The following VSNL1 variants were observed in gnomAD, a reference collection of about 807,000 sequenced individuals.
VSNL1 encodes the protein visinin like 1, also known as visinin-like protein 1.
A neutral mutation model predicts 20.4 loss-of-function variants in VSNL1; 6 were observed. The observed-to-expected ratio is 0.29, with a 90% CI of 0.16 to 0.58. The LOEUF (loss-of-function observed/expected upper bound fraction) is 0.58. Among genes scored for constraint, VSNL1 ranks in the 20% least tolerant of loss-of-function variants. The probability of loss-of-function intolerance (pLI) is 0.90; values close to 1 mark genes in which losing one functional copy is unlikely to be tolerated. For missense variants in VSNL1, 100 were observed against 234.5 expected (o/e 0.43, Z 3.75); for synonymous variants, 93 against 86.4 (o/e 1.08, Z -0.42).
chr2:17,565,554 T>A (rs976927277), intron 1 of VSNL1, among the ~76,000 whole-genome samples: 4 of 152,216 alleles, frequency 2.6e-5, no homozygotes, highest in Non-Finnish European at 5.9e-5. Flanking sequence ...CTCTCAAAAG[T>A]ACTTTTAGAT....
At chr2:17,639,877 T>C (rs1199728798) in intron 2 of VSNL1, among the ~76,000 whole-genome samples, 10 of 152,210 alleles carry the variant, frequency 6.6e-5, no homozygotes, top group Non-Finnish European at 1.3e-4. Flanking sequence ...TCTGACTCTG[T>C]TCCAATGTCC....
intron 1 of VSNL1, among the ~76,000 whole-genome samples, chr2:17,555,166 C>T (rs1210513101): frequency 6.6e-6 from 1 of 151,986 alleles, no homozygotes; most frequent in Non-Finnish European, 1.5e-5. Context: ...AGGCTTGGGC[C>T]CTAGAAAGTA....
chr2:17,588,303 A>T (rs573358787), intron 1 of VSNL1, among the ~76,000 whole-genome samples: 1 of 152,208 alleles, frequency 6.6e-6, no homozygotes, highest in South Asian at 2.1e-4. Flanking sequence ...CCTATGTGGG[A>T]AATCAGTGAA....
intron 2 of VSNL1, among the ~76,000 whole-genome samples, chr2:17,598,347 T>C (rs1042527803): frequency 5.9e-5 from 9 of 152,260 alleles, no homozygotes; most frequent in Non-Finnish European, 1.0e-4. Context: ...CCTTTGTTTT[T>C]CTGGTTCTAA....
At chr2:17,620,711 G>C (rs545526834) in intron 2 of VSNL1, among the ~76,000 whole-genome samples, 25 of 152,192 alleles carry the variant, frequency 1.6e-4, no homozygotes, top group African/African-American at 5.3e-4. Context: ...GTCTTTTATC[G>C]AGTGACGCTA....
intron 1 of VSNL1, among the ~76,000 whole-genome samples, chr2:17,561,809 G>A (rs1389690761): frequency 6.6e-6 from 1 of 152,182 alleles, no homozygotes; most frequent in African/African-American, 2.4e-5. Context: ...GACTGTTTAT[G>A]AATGATTGGG....
intron 1 of VSNL1, among the ~76,000 whole-genome samples, chr2:17,582,089 C>G (rs542797728): frequency 2.6e-5 from 4 of 152,262 alleles, no homozygotes; most frequent in Admixed American, 6.5e-5. Context: ...AGAGAACCAA[C>G]GTGTAGCTAA....
chr2:17,571,012 C>G (rs939656714), intron 1 of VSNL1, among the ~76,000 whole-genome samples: 2 of 151,742 alleles, frequency 1.3e-5, no homozygotes, highest in African/African-American at 4.8e-5. Context: ...GGGAACAGAG[C>G]AAGACTCCAT....
At chr2:17,571,397 C>A (rs577206294) in intron 1 of VSNL1, among the ~76,000 whole-genome samples, 1 of 152,164 alleles carries the variant, frequency 6.6e-6, no homozygotes. Flanking sequence ...GATGCATAAC[C>A]CTACTGAGCT....
chr2:17,552,479 G>T (rs1344437515), intron 1 of VSNL1, among the ~76,000 whole-genome samples: 1 of 152,040 alleles, frequency 6.6e-6, no homozygotes, highest in Non-Finnish European at 1.5e-5. Flanking sequence ...ATTAGGGAAA[G>T]CGTACATATT....
At chr2:17,580,078 A>C (rs1664315398) in intron 1 of VSNL1, among the ~76,000 whole-genome samples, 1 of 152,184 alleles carries the variant, frequency 6.6e-6, no homozygotes, top group African/African-American at 2.4e-5. Context: ...TGATGCTAAC[A>C]ATGCCAAGGT....
intron 1 of VSNL1, among the ~76,000 whole-genome samples, chr2:17,564,922 C>A (rs1393531747): frequency 6.6e-6 from 1 of 152,082 alleles, no homozygotes; most frequent in South Asian, 2.1e-4. Flanking sequence ...AATTTCTATA[C>A]CAAATTTGTA....
intron 2 of VSNL1, among the ~76,000 whole-genome samples, chr2:17,620,662 A>G (rs1252935730): frequency 6.6e-6 from 1 of 152,178 alleles, no homozygotes; most frequent in Non-Finnish European, 1.5e-5. Flanking sequence ...GCTATTCATG[A>G]TATTATCTTT....
chr2:17,547,158 A>G (rs1663422850), intron 1 of VSNL1, among the ~76,000 whole-genome samples: 1 of 152,136 alleles, frequency 6.6e-6, no homozygotes, highest in South Asian at 2.1e-4. Flanking sequence ...TAATACTTAG[A>G]CAAAAATTCC....
intron 2 of VSNL1, among the ~76,000 whole-genome samples, chr2:17,607,322 T>C (rs1664967491): frequency 6.6e-6 from 1 of 152,178 alleles, no homozygotes; most frequent in Non-Finnish European, 1.5e-5. Flanking sequence ...CAAAGAGTAT[T>C]TGTGAGGCGA....
chr2:17,647,248 A>T (rs1311562132), intron 2 of VSNL1, among the ~76,000 whole-genome samples: 1 of 152,192 alleles, frequency 6.6e-6, no homozygotes, highest in East Asian at 1.9e-4. Flanking sequence ...GACATAAGAT[A>T]GTTAAAGCAT....
chr2:17,642,146 T>G (rs1665894288), intron 2 of VSNL1, among the ~76,000 whole-genome samples: 1 of 152,150 alleles, frequency 6.6e-6, no homozygotes, highest in African/African-American at 2.4e-5. Flanking sequence ...TCTTTTCCTC[T>G]GCAGTAAATT....
At chr2:17,628,777 G>A (rs2103409880) in intron 2 of VSNL1, among the ~76,000 whole-genome samples, 1 of 152,328 alleles carries the variant, frequency 6.6e-6, no homozygotes, top group South Asian at 2.1e-4. Flanking sequence ...CCTGAGCTCA[G>A]CCACCTGCCT....
intron 1 of VSNL1, among the ~76,000 whole-genome samples, chr2:17,551,608 A>T (rs1390875459): frequency 2.0e-5 from 3 of 152,186 alleles, no homozygotes; most frequent in Non-Finnish European, 2.9e-5. Flanking sequence ...AATTGCTGGT[A>T]TGGGTATTAG....
Sources: gnomAD v4.1 joint callset for allele counts (sites outside exome capture counted in the v4.1 genomes callset) on GRCh38, gnomAD v4.1.1 for gene constraint, MANE v1.5 for transcripts, NCBI Gene and HGNC (gene_info 2026-07-23, HGNC 2026-07-21) for gene names.